The following RAB31 variants were observed in gnomAD, a reference collection of about 807,000 sequenced individuals.
The protein encoded by RAB31 is ras-related protein Rab-31.
Under a neutral mutation model 25.6 loss-of-function variants are expected in RAB31, and 21 were observed. That is an observed-to-expected ratio of 0.82 (90% CI 0.58 to 1.18). The LOEUF is 1.18. Among genes scored for constraint, RAB31 ranks in the 50% most tolerant of loss-of-function variants. The probability of loss-of-function intolerance (pLI) is 0.00; values close to 1 mark genes in which losing one functional copy is unlikely to be tolerated. For synonymous variants in RAB31, 87 were observed against 84.0 expected, an observed-to-expected ratio of 1.04 and a Z score of -0.20; for missense variants, 196 against 250.1, an observed-to-expected ratio of 0.78 and a Z score of 1.46.
At chr18:9,817,725 C>A (rs1248395370) in intron 5 of RAB31, among the ~76,000 whole-genome samples, 1 of 152,156 alleles carries the variant, frequency 6.6e-6, no homozygotes, top group African/African-American at 2.4e-5. Flanking sequence ...TGCTGTGTTT[C>A]GGGGTGGAAT....
chr18:9,729,271 T>G (rs2068110137), intron 1 of RAB31, among the ~76,000 whole-genome samples: 1 of 152,206 alleles, frequency 6.6e-6, no homozygotes, highest in Admixed American at 6.5e-5. Context: ...CTCATGTCTG[T>G]AATCCCAGCA....
intron 1 of RAB31, among the ~76,000 whole-genome samples, chr18:9,732,647 C>T (rs1179122437): frequency 1.3e-5 from 2 of 152,170 alleles, no homozygotes; most frequent in Non-Finnish European, 1.5e-5. Flanking sequence ...TTTTCCTTCT[C>T]CCCTTAACTG....
intron 1 of RAB31, among the ~76,000 whole-genome samples, chr18:9,736,326 GCCCTAGAA>G (rs2068151069): frequency 6.6e-6 from 1 of 152,082 alleles, no homozygotes; most frequent in Non-Finnish European, 1.5e-5. Flanking sequence ...TAAAACCGTT[GCCCTAGAA>G]TTGCGCTGCC....
intron 3 of RAB31, among the ~76,000 whole-genome samples, chr18:9,792,645 T>G (rs958155981): frequency 1.3e-5 from 2 of 152,200 alleles, no homozygotes; most frequent in African/African-American, 4.8e-5. Flanking sequence ...GCACCTCTTC[T>G]GCAAGTGGGA....
chr18:9,738,551 C>T (rs2068161990), intron 1 of RAB31, among the ~76,000 whole-genome samples: 1 of 152,174 alleles, frequency 6.6e-6, no homozygotes, highest in African/African-American at 2.4e-5. Flanking sequence ...TGTGGAGGCT[C>T]CTGGAGGGCG....
intron 1 of RAB31, among the ~76,000 whole-genome samples, chr18:9,753,062 CTG>C (rs1568170135): frequency 2.6e-5 from 4 of 152,180 alleles, no homozygotes; most frequent in Admixed American, 2.6e-4. Flanking sequence ...AAGACTGGGA[CTG>C]TGCTGTGGGA....
At chr18:9,784,824 A>G (rs1317668763) in intron 2 of RAB31, among the ~76,000 whole-genome samples, 2 of 152,154 alleles carry the variant, frequency 1.3e-5, no homozygotes, top group African/African-American at 4.8e-5. Context: ...AAGTGCTGGG[A>G]TTACAGGTGT....
chr18:9,851,084 G>T (rs1462036324), intron 6 of RAB31, among the ~76,000 whole-genome samples: 1 of 152,136 alleles, frequency 6.6e-6, no homozygotes, highest in East Asian at 1.9e-4. Context: ...AAAGCAAAAG[G>T]TTTGCAGATT....
chr18:9,761,080 C>T (rs529756147), intron 1 of RAB31, among the ~76,000 whole-genome samples: 3 of 152,242 alleles, frequency 2.0e-5, no homozygotes, highest in East Asian at 3.9e-4. Context: ...TTCATGGTAG[C>T]TCTGTAGCCA....
chr18:9,740,344 G>A lies in RAB31; in HGVS notation c.39+31900G>A, dbSNP rs547473718. ...AAACAAGTTAATTTGCTCAGAGCCT[G>A]ATTTAATTTGCATTATTGCATCAGG... is the stretch of plus-strand genomic sequence containing the variant. On this transcript the variant is annotated intron_variant, in intron 1 of 6. Coordinates refer to ENST00000578921, the MANE Select transcript of RAB31 (RefSeq NM_006868.4). 5.3e-5 allele frequency among the ~76,000 whole-genome samples: 8 copies of A among 152,348 alleles called. No homozygotes were observed. In the South Asian group the frequency reaches 1.7e-3, roughly 32 times the overall value.
chr18:9,807,614 T>C (rs1023477454), intron 3 of RAB31, among the ~76,000 whole-genome samples: 1 of 152,218 alleles, frequency 6.6e-6, no homozygotes, highest in Non-Finnish European at 1.5e-5. Flanking sequence ...CTTAAATCAT[T>C]GATTTATTTT....
At chr18:9,792,025 G>T in intron 2 of RAB31, 129 bp from the exon 3 acceptor site, 2 of 1,277,438 alleles carry the variant, frequency 1.6e-6, no homozygotes, top group Non-Finnish European at 2.1e-6. Context: ...CCCTTTTCTC[G>T]TCTTAGTGGT....
At chr18:9,767,783 A>G (rs574555249) in intron 1 of RAB31, among the ~76,000 whole-genome samples, 2 of 152,196 alleles carry the variant, frequency 1.3e-5, no homozygotes, top group Non-Finnish European at 1.5e-5. Context: ...GATTTGTTAC[A>G]TAGGAATACA....
chr18:9,745,483 A>G (rs1357246752), intron 1 of RAB31, among the ~76,000 whole-genome samples: 1 of 152,226 alleles, frequency 6.6e-6, no homozygotes, highest in Non-Finnish European at 1.5e-5. Flanking sequence ...CAAAGATATT[A>G]CAAGAACACT....
intron 5 of RAB31, among the ~76,000 whole-genome samples, chr18:9,842,850 C>T (rs892026900): frequency 7.9e-5 from 12 of 152,132 alleles, no homozygotes; most frequent in Non-Finnish European, 1.2e-4. Flanking sequence ...TTCGGCAGGC[C>T]GATGATTTAA....
intron 2 of RAB31, among the ~76,000 whole-genome samples, chr18:9,789,713 G>T (rs2068450620): frequency 6.6e-6 from 1 of 152,080 alleles, no homozygotes; most frequent in Non-Finnish European, 1.5e-5. Flanking sequence ...TTTAAAATGG[G>T]AAAAGTAATA....
intron 6 of RAB31, among the ~76,000 whole-genome samples, chr18:9,847,243 C>A (rs2068766493): frequency 6.6e-6 from 1 of 152,200 alleles, no homozygotes; most frequent in South Asian, 2.1e-4. Flanking sequence ...CTATGCTCAG[C>A]TATGAAACAT....
intron 1 of RAB31, among the ~76,000 whole-genome samples, chr18:9,743,056 A>G (rs1156252469): frequency 6.6e-6 from 1 of 152,246 alleles, no homozygotes; most frequent in Non-Finnish European, 1.5e-5. Flanking sequence ...AAAGCAGTGT[A>G]AACAGGCTCT....
At chr18:9,846,966 C>G (rs2068765310) in intron 6 of RAB31, among the ~76,000 whole-genome samples, 1 of 152,196 alleles carries the variant, frequency 6.6e-6, no homozygotes, top group African/African-American at 2.4e-5. Flanking sequence ...CCCTTTCTTT[C>G]CTCCTTTGAT....
Sources: allele counts gnomAD v4.1 joint callset (sites outside exome capture counted in the v4.1 genomes callset), GRCh38; gene constraint gnomAD v4.1.1; transcripts MANE v1.5; gene names NCBI Gene and HGNC (gene_info 2026-07-23, HGNC 2026-07-21).